Variants in MXRA7 observed in about 807,000 individuals in gnomAD.
MXRA7 encodes the protein matrix remodeling associated 7.
In MXRA7, 18 loss-of-function variants were observed where a neutral mutation model predicts 17.4. That is an observed-to-expected ratio of 1.03 (90% CI 0.71 to 1.53). The LOEUF is 1.53. Ranked by LOEUF, MXRA7 falls within the 40% of genes most tolerant of loss-of-function variation. The probability of loss-of-function intolerance (pLI) is 0.00; values close to 1 mark genes in which losing one functional copy is unlikely to be tolerated. For missense variants in MXRA7, 141 were observed against 209.3 expected (o/e 0.67, Z 2.01); for synonymous variants, 70 against 101.7 (o/e 0.69, Z 1.87).
chr17:76,707,777 G>C (rs187002685), intron 1 of MXRA7, among the ~76,000 whole-genome samples: 1 of 152,274 alleles, frequency 6.6e-6, no homozygotes, highest in African/African-American at 2.4e-5. Flanking sequence ...CATTAGGTAA[G>C]AGGCCTGGCA....
chr17:76,688,232 G>A, intron 1 of MXRA7, 56 bp from the exon 2 acceptor site: 1 of 1,609,958 alleles, frequency 6.2e-7, no homozygotes, highest in Non-Finnish European at 8.5e-7. Flanking sequence ...ATGGGAAGTG[G>A]TGGGGGGGCA....
chr17:76,685,494 C>T (rs558190533), intron 2 of MXRA7, among the ~76,000 whole-genome samples: 7 of 152,228 alleles, frequency 4.6e-5, no homozygotes, highest in South Asian at 2.1e-4. Context: ...GCGACAACTC[C>T]GGCAAGCAGA....
At chr17:76,672,719 T>G (rs9910052) in exon 4 of MXRA7, 31,661 of 152,008 alleles carry the variant, frequency 0.21, 4,398 homozygotes, top group East Asian at 0.62. Flanking sequence ...TGAGGAAAAC[T>G]ACAATATTTT....
chr17:76,707,888 T>C (rs1015288347), intron 1 of MXRA7, among the ~76,000 whole-genome samples: 1 of 152,176 alleles, frequency 6.6e-6, no homozygotes, highest in Non-Finnish European at 1.5e-5. Flanking sequence ...TCATGATTCT[T>C]TGCGTGAACA....
chr17:76,706,915 TTC>T (rs1188958331), intron 1 of MXRA7, among the ~76,000 whole-genome samples: 3 of 152,180 alleles, frequency 2.0e-5, no homozygotes, highest in African/African-American at 7.2e-5. Flanking sequence ...CATCTTTGCA[TTC>T]TCTCTCTATA....
exon 4 of MXRA7, chr17:76,674,389 T>C (rs2076224066): frequency 6.6e-6 from 1 of 152,028 alleles, no homozygotes; most frequent in African/African-American, 2.4e-5. Context: ...GTAGCAGAAA[T>C]GGTGTCAACA....
chr17:76,679,613 A>C lies in MXRA7; in HGVS notation c.*1254T>G. 1.0e-6 allele frequency: 1 copy of C among 975,016 alleles called. No homozygotes were observed. The highest frequency in any genetic ancestry group is 4.8e-5 in the South Asian group (1 of 21,020). The allele number at this position is 975,016 out of a possible 1,614,324, so 60.4% of individuals were successfully genotyped here. ...GTTTATTGGACTGAACAAAGGCTGA[A>C]TACAGAGATCCAAGCCATGAGGAGT... On this transcript the variant is annotated 3_prime_UTR_variant, in exon 4 of 4. Coordinates refer to ENST00000449428, the MANE Select transcript of MXRA7 (RefSeq NM_198530.4).
chr17:76,682,645 C>T (rs1357552566), intron 3 of MXRA7, among the ~76,000 whole-genome samples: 1 of 151,966 alleles, frequency 6.6e-6, no homozygotes, highest in Non-Finnish European at 1.5e-5. Flanking sequence ...CGCAGTGCTG[C>T]GAGGGGCAAC....
downstream of MXRA7, chr17:76,677,369 A>G: frequency 2.1e-6 from 1 of 475,216 alleles, no homozygotes; most frequent in South Asian, 3.5e-5. Context: ...GCAAGCAGAA[A>G]CCAGAGGGGT....
intron 1 of MXRA7, among the ~76,000 whole-genome samples, chr17:76,694,052 T>TG (rs1275821461): frequency 2.6e-5 from 4 of 152,214 alleles, no homozygotes; most frequent in Admixed American, 2.6e-4. Flanking sequence ...TGGCCCCAGT[T>TG]GGGGCGGTCA....
At chr17:76,676,187 T>C (rs1005870424), downstream of MXRA7, 2 of 152,172 alleles carry the variant, frequency 1.3e-5, no homozygotes, top group Non-Finnish European at 2.9e-5. Flanking sequence ...TTGAATACTT[T>C]CTGGTGAGGT....
intron 2 of MXRA7, among the ~76,000 whole-genome samples, chr17:76,685,396 T>A (rs2076379338): frequency 6.6e-6 from 1 of 152,138 alleles, no homozygotes; most frequent in South Asian, 2.1e-4. Flanking sequence ...CACAGCTGTC[T>A]CCAGATGCCA....
chr17:76,687,876 G>A (rs958167216), intron 2 of MXRA7, among the ~76,000 whole-genome samples: 1 of 152,232 alleles, frequency 6.6e-6, no homozygotes, highest in African/African-American at 2.4e-5. Flanking sequence ...GTTCCCAAGA[G>A]GGGCCCCGGG....
chr17:76,674,367 A>G (rs1035591171), exon 4 of MXRA7: 20 of 152,188 alleles, frequency 1.3e-4, no homozygotes, highest in Admixed American at 1.1e-3. Flanking sequence ...GATGAGAACA[A>G]TCTCAGATGA....
chr17:76,694,269 C>G (rs557533495), intron 1 of MXRA7, among the ~76,000 whole-genome samples: 1 of 152,076 alleles, frequency 6.6e-6, no homozygotes, highest in Non-Finnish European at 1.5e-5. Context: ...GCCTGAGAAC[C>G]GCTCCATTCC....
chr17:76,673,545 T>G (rs1190189847), exon 4 of MXRA7: 3 of 152,320 alleles, frequency 2.0e-5, no homozygotes, highest in African/African-American at 7.2e-5. Flanking sequence ...TCTTGTTGTG[T>G]GCTCTTCCTT....
intron 2 of MXRA7, among the ~76,000 whole-genome samples, 160 bp from the exon 3 acceptor site, chr17:76,685,325 A>C (rs183625471): frequency 6.6e-6 from 1 of 152,162 alleles, no homozygotes; most frequent in Non-Finnish European, 1.5e-5. Flanking sequence ...CTCTCGTTCC[A>C]TAGCTTTCCC....
At chr17:76,688,232 G>T in intron 1 of MXRA7, 56 bp from the exon 2 acceptor site, 1 of 1,609,958 alleles carries the variant, frequency 6.2e-7, no homozygotes. Flanking sequence ...ATGGGAAGTG[G>T]TGGGGGGGCA....
At chr17:76,683,787 G>A in intron 3 of MXRA7, 1 of 1,293,850 alleles carries the variant, frequency 7.7e-7, no homozygotes, top group Non-Finnish European at 1.1e-6. Context: ...AGTTGTTTGG[G>A]GGCACGTTAG....
Sources: allele counts gnomAD v4.1 joint callset (sites outside exome capture counted in the v4.1 genomes callset), GRCh38; gene constraint gnomAD v4.1.1; transcripts MANE v1.5; gene names NCBI Gene and HGNC (gene_info 2026-07-23, HGNC 2026-07-21).